The following RABGGTA variants were observed in gnomAD, a reference collection of about 807,000 sequenced individuals.
The protein encoded by RABGGTA is geranylgeranyl transferase type-2 subunit alpha.
A neutral mutation model predicts 83.3 loss-of-function variants in RABGGTA; 69 were observed. The ratio of observed to expected loss-of-function variants is 0.83; its 90% CI spans 0.68 to 1.01. The LOEUF is 1.01. RABGGTA is among the 50% of genes least tolerant of loss of function. The pLI, the probability that RABGGTA is intolerant of heterozygous loss-of-function variation, is 0.00. For synonymous variants in RABGGTA, 310 were observed against 299.8 expected, an observed-to-expected ratio of 1.03 and a Z score of -0.35; for missense variants, 681 against 712.7, an observed-to-expected ratio of 0.96 and a Z score of 0.51.
chr14:24,270,593 C>T (rs2040935413), intron 3 of RABGGTA, 135 bp from the exon 4 acceptor site: 1 of 1,232,994 alleles, frequency 8.1e-7, no homozygotes. Context: ...GCTTTATGGC[C>T]TTACAGGTAT....
chr14:24,269,028 T>C, intron 7 of RABGGTA, 35 bp from the exon 8 acceptor site: 2 of 1,579,110 alleles, frequency 1.3e-6, no homozygotes, highest in Non-Finnish European at 1.7e-6. Flanking sequence ...CTTTAAACCC[T>C]CTCCCATTCC....
chr14:24,270,238 A>G (rs190323374), intron 4 of RABGGTA, 96 bp downstream of exon 4: 2 of 1,565,006 alleles, frequency 1.3e-6, no homozygotes, highest in African/African-American at 2.7e-5. Context: ...TCCTCCATCT[A>G]TGCCACTGGC....
chr14:24,267,337 T>C (rs539467172), intron 14 of RABGGTA, among the ~76,000 whole-genome samples: 1 of 152,276 alleles, frequency 6.6e-6, no homozygotes, highest in South Asian at 2.1e-4. Context: ...CCTTCAGGTA[T>C]TGGAGGTTGC....
At chr14:24,269,759 C>T (rs2040922029) in intron 5 of RABGGTA, 65 bp from the exon 6 acceptor site, 1 of 1,538,756 alleles carries the variant, frequency 6.5e-7, no homozygotes, top group Admixed American at 1.8e-5. Context: ...GCTGGGACCC[C>T]TAGAGTCCCC....
chr14:24,269,992 C>T lies in RABGGTA; in HGVS notation c.388G>A (p.Glu130Lys). The T allele has an allele frequency of 6.2e-7, 1 of 1,613,726 alleles. No homozygotes were observed. Among genetic ancestry groups the T allele is most frequent in the Non-Finnish European group, 8.5e-7 (1 of 1,179,812 alleles). The change falls in exon 5 of 17, where the codon GAG becomes AAG. Residue 130 changes from glutamate to lysine, a missense_variant. Physicochemically the swap from Glu to Lys is moderately conservative, Grantham distance 56. Coordinates refer to ENST00000216840, the MANE Select transcript of RABGGTA (RefSeq NM_182836.3). ...ACCTCCAGGAAACGGGCACAGAGCT[C>T]CAGCTCTCGGGTCCAGTTGGGCTCA... ...LPEPNWTRELELCARFLEVDE... is the reference protein window; with the variant it reads ...LPEPNWTRELKLCARFLEVDE...
intron 6 of RABGGTA, 54 bp downstream of exon 6, chr14:24,269,437 G>C: frequency 6.6e-7 from 1 of 1,514,158 alleles, no homozygotes; most frequent in Non-Finnish European, 9.2e-7. Flanking sequence ...TCAGGCATGG[G>C]GGCTGGAAGG....
In RABGGTA at chr14:24,269,668, C is replaced by G. The variant is rs762638641; in HGVS notation, c.454G>C (p.Val152Leu). 1.2e-6 allele frequency: 2 copies of G among 1,607,068 alleles called. No homozygotes were observed. The highest frequency in any genetic ancestry group is 1.7e-5 in the Admixed American group (1 of 60,002). The change falls in exon 6 of 17, where the codon GTG (valine) becomes CTG (leucine). Residue 152 changes from valine (V) to leucine (L), a missense_variant. Val to Leu is a conservative substitution (Grantham distance 32, BLOSUM62 1). Coordinates refer to ENST00000216840, the MANE Select transcript of RABGGTA (RefSeq NM_182836.3). ...GGGGGCACGGCTGCCTGTGTGGCCA[C>G]AAACCGCCGATAGTCCCAGCAGTGA... is the stretch of plus-strand genomic sequence containing the variant. ...NFHCWDYRRFVATQAAVPPAE... is the reference protein window; with the variant it reads ...NFHCWDYRRFLATQAAVPPAE...
At position 24,268,373 on chromosome 14, in the gene RABGGTA, A is replaced by G; in HGVS notation, c.1054T>C (p.Phe352Leu). ...TTTGTGCTTCCCTATCACCACCTGA[A>G]TAGCTGCTCGTCTGTCGTGGAGTCC... ...CRDSTTDEQL[F>L]RCELSVEKST... is the part of the protein sequence containing the mutation. The change falls in exon 11 of 17, where the codon TTC becomes CTC. Residue 352 changes from phenylalanine (F) to leucine (L), a missense_variant. Transcript: ENST00000216840. The G allele has an allele frequency of 6.2e-7, 1 of 1,613,156 alleles. No individual in the cohort carries two copies. The highest frequency in any genetic ancestry group is 8.5e-7 in the Non-Finnish European group (1 of 1,179,884).
chr14:24,269,826 C>A lies in RABGGTA; in HGVS notation c.427+127G>T. ...CCACGGAGGATGCATTTGGCTCCAA[C>A]ATCCCTTTCAGCACCAGCTCAGTGG... On this transcript the variant is annotated intron_variant, in intron 5 of 16. Coordinates refer to ENST00000216840, the MANE Select transcript of RABGGTA (RefSeq NM_182836.3). 3 of 1,436,610 alleles carry A rather than the reference C, an allele frequency of 2.1e-6. No individual in the cohort carries two copies. The South Asian group carries it at 3.9e-5, about 19-fold the overall frequency. 89.0% of individuals were successfully genotyped at this position (1,436,610 alleles called of 1,614,324 possible). A position where few individuals can be genotyped will look rare whatever the true frequency, so the allele number is the denominator to read the frequency against.
At position 24,269,713 on chromosome 14, in the gene RABGGTA, A is replaced by G. The variant is rs1413752383; in HGVS notation, c.428-19T>C. ...CAGTGAACTGGAGGGGAGAGGTGAC[A>G]GCATATCTTAGAGGCAGGGCAAGAG... On this transcript the variant is annotated intron_variant, in intron 5 of 16. Transcript: ENST00000216840. 6.2e-7 allele frequency: 1 copy of G among 1,611,864 alleles called. No individual in the cohort carries two copies. Among genetic ancestry groups the G allele is most frequent in the Non-Finnish European group, 8.5e-7 (1 of 1,178,350 alleles).
chr14:24,268,315 C>A (rs368455746), intron 11 of RABGGTA, 54 bp downstream of exon 11: 1 of 1,612,050 alleles, frequency 6.2e-7, no homozygotes, highest in Non-Finnish European at 8.5e-7. Context: ...CCCTGGCTGC[C>A]TGATGCCCAG....
chr14:24,270,996 G>T (rs768376975), intron 2 of RABGGTA, 49 bp from the exon 3 acceptor site: 1 of 1,605,164 alleles, frequency 6.2e-7, no homozygotes, highest in Non-Finnish European at 8.5e-7. Flanking sequence ...TGCAGAAGCT[G>T]ACCTGCAAAA....
At chr14:24,270,549 A>C (rs2040934720) in intron 3 of RABGGTA, 91 bp from the exon 4 acceptor site, 2 of 1,497,548 alleles carry the variant, frequency 1.3e-6, no homozygotes, top group Admixed American at 3.5e-5. Flanking sequence ...ATATTCTGTG[A>C]ATCCCACATT....
Position 24,270,001 on chromosome 14 carries a change from G to C in RABGGTA, c.379C>G (p.Arg127Gly). Residue 127 changes from arginine to glycine, a missense_variant, in exon 5 of 17, where the codon CGA becomes GGA. Physicochemically the swap from Arg to Gly is moderately radical, Grantham distance 125 (BLOSUM62 -2). Coordinates refer to ENST00000216840, the MANE Select transcript of RABGGTA (RefSeq NM_182836.3). ...AAACGGGCACAGAGCTCCAGCTCTC[G>C]GGTCCAGTTGGGCTCAGGCAGGCGG... ...LGRLPEPNWT[R>G]ELELCARFLE... 6.2e-7 allele frequency: 1 copy of C among 1,613,618 alleles called. No individual in the cohort carries two copies. The highest frequency in any genetic ancestry group is 8.5e-7 in the Non-Finnish European group (1 of 1,179,768).
Position 24,265,625 on chromosome 14 carries a change from A to G in RABGGTA, c.1694T>C (p.Val565Ala). Reference sequence around the variant, plus strand: ...AGGGGGCAGGGCCTCTTAGGTGAGGACGCTGCTAACTGAAGGCAGCAGTTC... The same window carrying G: ...AGGGGGCAGGGCCTCTTAGGTGAGGGCGCTGCTAACTGAAGGCAGCAGTTC... ...LAELLPSVSS[V>A]LT Residue 565 changes from valine to alanine, a missense_variant, in exon 17 of 17, where the codon GTC becomes GCC. Val to Ala is a moderately conservative substitution (Grantham distance 64). This residue lies in a region of RABGGTA where 421 missense variants were observed against 418.5 expected (regional missense o/e 1.01). Transcript: ENST00000216840. The G allele has an allele frequency of 6.2e-7, 1 of 1,613,634 alleles. No individual in the cohort carries two copies. The highest frequency in any genetic ancestry group is 2.2e-5 in the East Asian group (1 of 44,878).
At position 24,270,382 on chromosome 14, in the gene RABGGTA, G is replaced by A. The variant is rs1426520981; in HGVS notation, c.191C>T (p.Thr64Ile). ...CACCTCTCGTCGGCAGTTCCAGAGGGTGGCAAAATCAGGGTTGGCTCCCAG... is the reference window on the plus strand; with the variant it reads ...CACCTCTCGTCGGCAGTTCCAGAGGATGGCAAAATCAGGGTTGGCTCCCAG... Reference protein sequence around the residue: ...QILGANPDFATLWNCRREVLQ... With the variant: ...QILGANPDFAILWNCRREVLQ... The change falls in exon 4 of 17, where the codon ACC becomes ATC. Residue 64 changes from threonine (T) to isoleucine (I), a missense_variant. Around this residue, in one of 5 missense-constraint regions of RABGGTA, gnomAD observed 115 missense variants for 111.5 expected, o/e 1.03. Coordinates refer to ENST00000216840, the MANE Select transcript of RABGGTA (RefSeq NM_182836.3). The A allele has an allele frequency of 6.2e-7, 1 of 1,614,000 alleles. No homozygotes were observed. The highest frequency in any genetic ancestry group is 8.5e-7 in the Non-Finnish European group (1 of 1,179,882).
chr14:24,265,550 G>A lies in RABGGTA; in HGVS notation c.*65C>T. The A allele has an allele frequency of 6.4e-7, 1 of 1,561,234 alleles. No homozygotes were observed. Among genetic ancestry groups the A allele is most frequent in the Non-Finnish European group, 8.7e-7 (1 of 1,150,004 alleles). ...CAGCGACAACAGCTTGGTAGCCTGA[G>A]AGGGCCTCTCCATTCTTTATTCAGT... On this transcript the variant is annotated 3_prime_UTR_variant, in exon 17 of 17. Coordinates refer to ENST00000216840, the MANE Select transcript of RABGGTA (RefSeq NM_182836.3).
Position 24,268,115 on chromosome 14 carries a change from T to C in RABGGTA, c.1142A>G (p.Asn381Ser), listed in dbSNP as rs1379944122. The C allele has an allele frequency of 6.2e-7, 1 of 1,613,918 alleles. No homozygotes were observed. Among genetic ancestry groups the C allele is most frequent in the Non-Finnish European group, 8.5e-7 (1 of 1,179,832 alleles). Reference protein sequence around the residue: ...CKELQELEPENKWCLLTIILL... With the variant: ...CKELQELEPESKWCLLTIILL... ...CTCACGGAATGGGGCCTCACATTTATTCTCAGGCTCCAGCTCCTGCAGCTC... is the reference window on the plus strand; with the variant it reads ...CTCACGGAATGGGGCCTCACATTTACTCTCAGGCTCCAGCTCCTGCAGCTC... The change falls in exon 12 of 17, where the codon AAT (asparagine) becomes AGT (serine). Residue 381 changes from asparagine (N) to serine (S), a missense_variant. Physicochemically the swap from Asn to Ser is conservative, Grantham distance 46 (BLOSUM62 1). Coordinates refer to ENST00000216840, the MANE Select transcript of RABGGTA (RefSeq NM_182836.3).
chr14:24,267,268 G>C (rs1168765435), intron 14 of RABGGTA, among the ~76,000 whole-genome samples: 1 of 152,170 alleles, frequency 6.6e-6, no homozygotes, highest in Non-Finnish European at 1.5e-5. Context: ...TAATGTGTTG[G>C]GAAGGACTAG....
Sources: allele counts gnomAD v4.1 joint callset (sites outside exome capture counted in the v4.1 genomes callset), GRCh38; gene constraint gnomAD v4.1.1; regional missense constraint gnomAD v4.1.1; transcripts MANE v1.5; gene names NCBI Gene and HGNC (gene_info 2026-07-23, HGNC 2026-07-21).